CLSTN3: variants seen among roughly 807,000 people sequenced by gnomAD.
CLSTN3 encodes the protein calsyntenin-3.
A neutral mutation model predicts 95.9 loss-of-function variants in CLSTN3; 36 were observed. The ratio of observed to expected loss-of-function variants is 0.38; its 90% CI spans 0.29 to 0.50. The LOEUF (loss-of-function observed/expected upper bound fraction) is 0.50. Among genes scored for constraint, CLSTN3 ranks in the 20% least tolerant of loss-of-function variants. The pLI is 0.95. For missense variants in CLSTN3, 1,084 were observed against 1,268.8 expected (o/e 0.85, Z 2.21); for synonymous variants, 481 against 504.0 (o/e 0.95, Z 0.61).
Position 7,157,338 on chromosome 12 carries a change from C to A in CLSTN3, c.2528-151C>A. 1.6e-6 allele frequency: 1 copy of A among 636,444 alleles called. No homozygotes were observed. Among genetic ancestry groups the A allele is most frequent in the Non-Finnish European group, 2.6e-6 (1 of 386,068 alleles). 39.4% of individuals were successfully genotyped at this position (636,444 alleles called of 1,614,324 possible). On this transcript the variant is annotated intron_variant, in intron 16 of 17. Transcript: ENST00000266546. This position sits in a 1 kb window ranked among gnomAD's most constrained non-coding sequence, Gnocchi z 5.9. ...TCCTGGTGGGCTGTTTCTCTTCTGG[C>A]TTCTCCAGGTGTTCCTCTCTTCTCG...
Position 7,137,795 on chromosome 12 carries a change from T to TGTGTGAGA in CLSTN3, c.1211-159_1211-158insTGTGAGAG, listed in dbSNP as rs768487238. On this transcript the variant is annotated intron_variant, in intron 7 of 17. Coordinates refer to ENST00000266546, the MANE Select transcript of CLSTN3 (RefSeq NM_014718.4). The surrounding 1 kb of genome is among the most constrained non-coding windows in gnomAD (Gnocchi z 4.4). Reference sequence around the variant, plus strand: ...GTGTGTGTGTGTGTGTGTGTGTGTGTGAGAGAGAGAGAGAGAGAGAGAGAG... The same window carrying TGTGTGAGA: ...GTGTGTGTGTGTGTGTGTGTGTGTGTGTGTGAGAGAGAGAGAGAGAGAGAGAGAGAGAG... Among the ~76,000 whole-genome samples the TGTGTGAGA allele has an allele frequency of 0.15, 10,820 of 70,508 alleles. 1,200 individuals are homozygous for TGTGTGAGA. Among genetic ancestry groups the TGTGTGAGA allele is most frequent in the Non-Finnish European group, 0.21 (7,770 of 37,326 alleles). 46.3% of individuals were successfully genotyped at this position (70,508 alleles called of 152,430 possible).
rs746175172 is a variant in CLSTN3 at position 7,158,074 on chromosome 12, G to A, written c.2864G>A (p.Arg955His). The A allele has an allele frequency of 7.9e-6, 12 of 1,528,114 alleles. No homozygotes were observed. Among genetic ancestry groups the A allele is most frequent in the South Asian group, 2.5e-5 (2 of 80,030 alleles). 94.7% of individuals were successfully genotyped at this position (1,528,114 alleles called of 1,614,324 possible). A position where few individuals can be genotyped will look rare whatever the true frequency, so the allele number is the denominator to read the frequency against. Residue 955 changes from arginine (R) to histidine (H), a missense_variant, in exon 18 of 18, where the codon CGC becomes CAC. By Grantham distance (29) the Arg-to-His change is conservative. Coordinates refer to ENST00000266546, the MANE Select transcript of CLSTN3 (RefSeq NM_014718.4). ...ERRIIETPPH[R>H]Y ...CGCATCATCGAGACCCCCCCACACC[G>A]CTACTAAGGCCTACACCTCTCCCCA...
In CLSTN3 at chr12:7,150,894, G is replaced by A. The variant is rs772610689; in HGVS notation, c.2392-34G>A. ...GAGAAGTGGGGAGGACCTGGGAGAAGCGTGTGTGCCCATGGAGCCCTCCCT... is the reference window on the plus strand; with the variant it reads ...GAGAAGTGGGGAGGACCTGGGAGAAACGTGTGTGCCCATGGAGCCCTCCCT... On this transcript the variant is annotated intron_variant, in intron 15 of 17. Coordinates refer to ENST00000266546, the MANE Select transcript of CLSTN3 (RefSeq NM_014718.4). This position sits in a 1 kb window ranked among gnomAD's most constrained non-coding sequence, Gnocchi z 4.0. 2 of 1,556,062 alleles carry A rather than the reference G, an allele frequency of 1.3e-6. No homozygotes were observed. The highest frequency in any genetic ancestry group is 1.4e-5 in the African/African-American group (1 of 73,598).
chr12:7,131,785 C>T (rs944055694), intron 1 of CLSTN3: 40 of 456,438 alleles, frequency 8.8e-5, no homozygotes, highest in Non-Finnish European at 1.7e-4. Context: ...GCCTCCTGTG[C>T]ACCATCTTGT....
rs1450416719 is a variant in CLSTN3 at position 7,150,176 on chromosome 12, A to G, written c.2246-368A>G. Among the ~76,000 whole-genome samples, 7 of 152,200 alleles carry G rather than the reference A, an allele frequency of 4.6e-5. No homozygotes were observed. Among genetic ancestry groups the G allele is most frequent in the African/African-American group, 4.8e-5 (2 of 41,436 alleles). ...GAGAATGGAGAAGATGGAGATAATCAGTTCCCTTCTATTTCCACTCCTTTC... is the reference window on the plus strand; with the variant it reads ...GAGAATGGAGAAGATGGAGATAATCGGTTCCCTTCTATTTCCACTCCTTTC... On this transcript the variant is annotated intron_variant, in intron 14 of 17. Transcript: ENST00000266546. The surrounding 1 kb of genome is among the most constrained non-coding windows in gnomAD (Gnocchi z 4.0).
chr12:7,154,856 C>G (rs1420550583), intron 16 of CLSTN3, among the ~76,000 whole-genome samples: 1 of 152,066 alleles, frequency 6.6e-6, no homozygotes, highest in Non-Finnish European at 1.5e-5. Flanking sequence ...TCCAATGAAG[C>G]CAGGGAATAA....
chr12:7,156,468 G>A (rs1166912296), intron 16 of CLSTN3: 1 of 456,934 alleles, frequency 2.2e-6, no homozygotes, highest in Admixed American at 2.3e-5. Context: ...CTGGTGGGGA[G>A]CTGGGTGATG....
rs1939577592 is a variant in CLSTN3, at chr12:7,143,948, T to C, written c.1847+637T>C. Among the ~76,000 whole-genome samples the C allele has an allele frequency of 3.9e-5, 6 of 152,316 alleles. No homozygotes were observed. The South Asian group carries it at 1.2e-3, about 32-fold the overall frequency. On this transcript the variant is annotated intron_variant, in intron 12 of 17. Coordinates refer to ENST00000266546, the MANE Select transcript of CLSTN3 (RefSeq NM_014718.4). ...TATCTAATCCTTCATAGAAAAAGTT[T>C]GCTGGCCGGGCACGGTGGCTCACGC... is the stretch of plus-strand genomic sequence containing the variant.
Position 7,150,409 on chromosome 12 carries a change from G to T in CLSTN3, c.2246-135G>T. The T allele has an allele frequency of 1.0e-6, 1 of 1,003,356 alleles. No homozygotes were observed. Among genetic ancestry groups the T allele is most frequent in the South Asian group, 1.8e-5 (1 of 54,216 alleles). 62.2% of individuals were successfully genotyped at this position (1,003,356 alleles called of 1,614,324 possible). ...GGAGCATCCCTCCCTTCGACCTCAG[G>T]TCGCACTTCTGCGGAGATGGGGCTG... On this transcript the variant is annotated intron_variant, in intron 14 of 17. Coordinates refer to ENST00000266546, the MANE Select transcript of CLSTN3 (RefSeq NM_014718.4). The surrounding 1 kb of genome is among the most constrained non-coding windows in gnomAD (Gnocchi z 4.0).
In CLSTN3 at chr12:7,151,077, G is replaced by T; in HGVS notation, c.2527+14G>T. The T allele has an allele frequency of 6.4e-7, 1 of 1,565,168 alleles. No homozygotes were observed. Among genetic ancestry groups the T allele is most frequent in the East Asian group, 2.3e-5 (1 of 43,672 alleles). ...ACAGAAACTCCAGTACGTAAGCCTG[G>T]TGGGGCTGGGCAGGGAGGGGCAGGT... On this transcript the variant is annotated intron_variant, in intron 16 of 17. Transcript: ENST00000266546.
chr12:7,131,938 T>C (rs1565647651), intron 1 of CLSTN3: 1 of 455,928 alleles, frequency 2.2e-6, no homozygotes, highest in East Asian at 7.0e-5. Context: ...GGGGATGAGG[T>C]TCCTTTTGGT....
At chr12:7,134,118 A>G (rs1195050154) in intron 3 of CLSTN3, among the ~76,000 whole-genome samples, 2 of 152,216 alleles carry the variant, frequency 1.3e-5, no homozygotes, top group Non-Finnish European at 2.9e-5. Flanking sequence ...TGTTGAAAGC[A>G]TGCACCACAG....
At position 7,158,047 on chromosome 12, in the gene CLSTN3, G is replaced by A; in HGVS notation, c.2837G>A (p.Arg946Lys). ...EVADSPSSDE[R>K]RIIETPPHRY Reference sequence around the variant, plus strand: ...GCCGATTCCCCCAGCAGCGACGAGAGACGCATCATCGAGACCCCCCCACAC... The same window carrying A: ...GCCGATTCCCCCAGCAGCGACGAGAAACGCATCATCGAGACCCCCCCACAC... The change falls in exon 18 of 18, where the codon AGA becomes AAA. Residue 946 changes from arginine to lysine, a missense_variant. By Grantham distance (26) the Arg-to-Lys change is conservative (BLOSUM62 2). Coordinates refer to ENST00000266546, the MANE Select transcript of CLSTN3 (RefSeq NM_014718.4). 6.5e-7 allele frequency: 1 copy of A among 1,547,468 alleles called. No individual in the cohort carries two copies. Among genetic ancestry groups the A allele is most frequent in the Non-Finnish European group, 8.7e-7 (1 of 1,144,400 alleles).
rs1939710572 is a variant in CLSTN3 at position 7,150,807 on chromosome 12, C to T, written c.2391+118C>T. The stretch of plus-strand genomic sequence containing the variant: ...CATGGCAGCGTGGAGGGCTGCTGGA[C>T]CTTGCAGTGGGTGGAGGAGAAGGAG... On this transcript the variant is annotated intron_variant, in intron 15 of 17. Transcript: ENST00000266546. This position sits in a 1 kb window ranked among gnomAD's most constrained non-coding sequence, Gnocchi z 4.0. 7.1e-6 allele frequency: 11 copies of T among 1,551,038 alleles called. No homozygotes were observed. The South Asian group carries it at 8.5e-5, about 12-fold the overall frequency.
chr12:7,155,786 G>T (rs1939804999), intron 16 of CLSTN3: 1 of 175,272 alleles, frequency 5.7e-6, no homozygotes, highest in African/African-American at 2.4e-5. Context: ...CCTCAAGTGG[G>T]CTGTGGGTCA....
At chr12:7,155,107 T>C (rs997617360) in intron 16 of CLSTN3, among the ~76,000 whole-genome samples, 1 of 152,194 alleles carries the variant, frequency 6.6e-6, no homozygotes, top group Admixed American at 6.5e-5. Flanking sequence ...CTTTCCACTG[T>C]CCTCGCAATC....
chr12:7,141,131 C>G lies in CLSTN3; in HGVS notation c.1324-111C>G. The G allele has an allele frequency of 3.4e-6, 4 of 1,192,020 alleles. No individual in the cohort carries two copies. Among genetic ancestry groups the G allele is most frequent in the Non-Finnish European group, 4.7e-6 (4 of 843,090 alleles). 73.8% of individuals were successfully genotyped at this position (1,192,020 alleles called of 1,614,324 possible). On this transcript the variant is annotated intron_variant, in intron 8 of 17. Transcript: ENST00000266546. The surrounding 1 kb of genome is among the most constrained non-coding windows in gnomAD (Gnocchi z 4.1). ...GCACTAGTAAGCCCTGTTGGTAGAA[C>G]TGGGAATAAAGGGACTGTCCCCTGT...
In CLSTN3 at chr12:7,133,805, G is replaced by T. The variant is rs371850025; in HGVS notation, c.383+37G>T. On this transcript the variant is annotated intron_variant, in intron 3 of 17. Transcript: ENST00000266546. The surrounding 1 kb of genome is among the most constrained non-coding windows in gnomAD (Gnocchi z 4.7). ...CTTGTCTCCTGCCCCATGTGTTGCA[G>T]GGTCCTCCTCCCTGCTCCCAAGCCC... The T allele has an allele frequency of 7.2e-5, 109 of 1,509,074 alleles. No individual in the cohort carries two copies. Among genetic ancestry groups the T allele is most frequent in the Non-Finnish European group, 9.4e-5 (106 of 1,122,660 alleles). 93.5% of individuals were successfully genotyped at this position (1,509,074 alleles called of 1,614,324 possible).
intron 16 of CLSTN3, among the ~76,000 whole-genome samples, chr12:7,154,305 C>T (rs140753131): frequency 1.3e-5 from 2 of 152,290 alleles, no homozygotes; most frequent in East Asian, 3.9e-4. Context: ...TCCAGTGGCA[C>T]GGAGGCCCAT....
Sources: allele counts gnomAD v4.1 joint callset (sites outside exome capture counted in the v4.1 genomes callset), GRCh38; gene constraint gnomAD v4.1.1; non-coding constraint Gnocchi (gnomAD v3.1); transcripts MANE v1.5; gene names NCBI Gene and HGNC (gene_info 2026-07-23, HGNC 2026-07-21).